Variants in HERC4 observed in about 807,000 individuals in gnomAD.
HERC4 encodes HECT and RLD domain containing E3 ubiquitin protein ligase 4, also known as probable E3 ubiquitin-protein ligase HERC4.
HERC4 carries 28 observed loss-of-function variants against 124.3 expected under a neutral mutation model. The observed-to-expected ratio is 0.23, with a 90% CI of 0.17 to 0.31. HERC4 has a LOEUF of 0.31. Among genes scored for constraint, HERC4 ranks in the 10% least tolerant of loss-of-function variants. HERC4 has a pLI of 1.00. For synonymous variants in HERC4, 407 were observed against 421.5 expected (o/e 0.97, Z 0.42); for missense variants, 713 against 1,229.3 (o/e 0.58, Z 6.28).
intron 21 of HERC4, 48 bp downstream of exon 21, chr10:67,939,540 T>A (rs1480720255): frequency 7.8e-7 from 1 of 1,285,722 alleles, no homozygotes; most frequent in Non-Finnish European, 1.1e-6. Flanking sequence ...GGCTGTTAAA[T>A]AAAAGAGATG....
intron 4 of HERC4, among the ~76,000 whole-genome samples, chr10:68,042,683 A>G (rs1430095198): frequency 6.6e-6 from 1 of 152,220 alleles, no homozygotes; most frequent in Admixed American, 6.5e-5. Context: ...TATAGATACT[A>G]TATGTAAAAT....
intron 8 of HERC4, among the ~76,000 whole-genome samples, chr10:68,019,517 CAG>C (rs1410213928): frequency 2.6e-5 from 4 of 152,220 alleles, no homozygotes; most frequent in South Asian, 2.1e-4. Flanking sequence ...TGGAGCTAGA[CAG>C]GGGGATTCTT....
chr10:68,040,362 C>T (rs914177699), intron 4 of HERC4: 1 of 947,490 alleles, frequency 1.1e-6, no homozygotes, highest in Non-Finnish European at 1.3e-6. Flanking sequence ...TGTATTAATA[C>T]CCTAAAGAAT....
intron 16 of HERC4, among the ~76,000 whole-genome samples, chr10:67,963,963 C>G (rs1161454237): frequency 6.6e-6 from 1 of 151,344 alleles, no homozygotes; most frequent in Non-Finnish European, 1.5e-5. Context: ...CACAGGTTCT[C>G]TAAAGGAAGA....
chr10:67,923,401 A>G (rs192246400), intron 24 of HERC4, among the ~76,000 whole-genome samples: 4 of 152,310 alleles, frequency 2.6e-5, no homozygotes, highest in Admixed American at 2.6e-4. Flanking sequence ...GTATTTTGCC[A>G]TTGCCAAAAC....
intron 3 of HERC4, chr10:68,069,621 A>G (rs909673693): frequency 3.0e-6 from 3 of 985,202 alleles, no homozygotes; most frequent in East Asian, 1.1e-4. Context: ...TTTATCCTTA[A>G]TAAGGCTACC....
Position 67,992,205 on chromosome 10 carries a change from A to C in HERC4, c.1265T>G (p.Ile422Arg). The C allele has an allele frequency of 6.2e-7, 1 of 1,613,542 alleles. No individual in the cohort carries two copies. ...SYPSGRFPVEIANEIDGTFSS... is the reference protein window; with the variant it reads ...SYPSGRFPVERANEIDGTFSS... ...CCCAAAATGCTTTTCTTACTTGGCTATCTCCACAGGAAACCTTCCAGAAGG... is the reference window on the plus strand; with the variant it reads ...CCCAAAATGCTTTTCTTACTTGGCTCTCTCCACAGGAAACCTTCCAGAAGG... The change falls in exon 11 of 25, where the codon ATA (isoleucine) becomes AGA (arginine). Residue 422 changes from isoleucine (I) to arginine (R), a missense_variant. Ile to Arg is a moderately conservative substitution (Grantham distance 97). Coordinates refer to ENST00000373700, the MANE Select transcript of HERC4 (RefSeq NM_015601.4).
intron 1 of HERC4, chr10:68,074,929 C>T (rs1405910670): frequency 6.6e-6 from 1 of 152,550 alleles, no homozygotes; most frequent in Non-Finnish European, 1.5e-5. Context: ...CCCGAACCCG[C>T]TGGGGCCACA....
intron 4 of HERC4, among the ~76,000 whole-genome samples, chr10:68,041,975 AC>A: frequency 6.6e-6 from 1 of 152,306 alleles, no homozygotes; most frequent in Admixed American, 6.5e-5. Context: ...TTTTGTTGTC[AC>A]AAAAGTATAA....
At chr10:67,971,666 C>G (rs1490177515) in intron 15 of HERC4, among the ~76,000 whole-genome samples, 1 of 151,106 alleles carries the variant, frequency 6.6e-6, no homozygotes, top group African/African-American at 2.4e-5. Flanking sequence ...ACCCCCACCC[C>G]CCACCGACAT....
intron 3 of HERC4, among the ~76,000 whole-genome samples, chr10:68,061,532 C>CAAAAAA (rs59169970): frequency 7.1e-5 from 1 of 13,988 alleles, no homozygotes; most frequent in African/African-American, 2.6e-4. Context: ...GACTCCGTCT[C>CAAAAAA]AAAAAAAAAA....
intron 3 of HERC4, among the ~76,000 whole-genome samples, chr10:68,065,583 T>G (rs1204266015): frequency 6.6e-6 from 1 of 151,734 alleles, no homozygotes; most frequent in Non-Finnish European, 1.5e-5. Context: ...ACAAACAAAC[T>G]CTAATAAGGC....
chr10:67,926,828 T>C (rs183039537), intron 23 of HERC4, among the ~76,000 whole-genome samples: 3 of 152,314 alleles, frequency 2.0e-5, no homozygotes, highest in Admixed American at 6.5e-5. Context: ...TACGCACCAT[T>C]CACTAAACTC....
At chr10:68,041,292 ACTC>A (rs1388558569) in intron 4 of HERC4, among the ~76,000 whole-genome samples, 4,954 of 152,246 alleles carry the variant, frequency 0.033, 261 homozygotes, top group African/African-American at 0.11. Context: ...CTTAACACCA[ACTC>A]ATTTCAATTT....
chr10:67,955,228 T>C, intron 17 of HERC4, 98 bp from the exon 18 acceptor site: 2 of 1,006,448 alleles, frequency 2.0e-6, no homozygotes, highest in Non-Finnish European at 2.9e-6. Context: ...AGGTATTCTA[T>C]AATTCCTATG....
intron 15 of HERC4, among the ~76,000 whole-genome samples, chr10:67,984,639 A>G (rs1328593687): frequency 2.6e-5 from 4 of 151,994 alleles, no homozygotes; most frequent in South Asian, 2.1e-4. Flanking sequence ...CTGGAGTGCA[A>G]TGGCACGATT....
chr10:68,054,183 T>C (rs2040441309), intron 3 of HERC4, among the ~76,000 whole-genome samples: 1 of 152,122 alleles, frequency 6.6e-6, no homozygotes, highest in Non-Finnish European at 1.5e-5. Context: ...CAAGATACCA[T>C]ACTATAAAAT....
chr10:68,048,812 C>G (rs2040143214), intron 3 of HERC4, among the ~76,000 whole-genome samples: 1 of 152,110 alleles, frequency 6.6e-6, no homozygotes. Flanking sequence ...GAACCTAAAA[C>G]ACTGCTCTAA....
At chr10:68,045,284 C>T (rs1216155963) in intron 3 of HERC4, among the ~76,000 whole-genome samples, 1 of 152,192 alleles carries the variant, frequency 6.6e-6, no homozygotes, top group Non-Finnish European at 1.5e-5. Flanking sequence ...GATCATGCCA[C>T]TGCACTCCAG....
Sources: gnomAD v4.1 joint callset for allele counts (sites outside exome capture counted in the v4.1 genomes callset) on GRCh38, gnomAD v4.1.1 for gene constraint, MANE v1.5 for transcripts, NCBI Gene and HGNC (gene_info 2026-07-23, HGNC 2026-07-21) for gene names.